Variants in ASB18 observed in about 807,000 individuals in gnomAD.
The protein encoded by ASB18 is ankyrin repeat and SOCS box protein 18.
A neutral mutation model predicts 33.4 loss-of-function variants in ASB18; 33 were observed. The ratio of observed to expected loss-of-function variants is 0.99; its 90% CI spans 0.75 to 1.32. The LOEUF is 1.32. ASB18 is among the 40% of genes most tolerant of loss of function. ASB18 has a pLI of 0.00. For synonymous variants in ASB18, 295 were observed against 307.6 expected (o/e 0.96, Z 0.43); for missense variants, 694 against 655.5 (o/e 1.06, Z -0.64).
chr2:236,202,983 G>A (rs2106264103), intron 4 of ASB18, among the ~76,000 whole-genome samples: 1 of 151,488 alleles, frequency 6.6e-6, no homozygotes, highest in Non-Finnish European at 1.5e-5. Context: ...TATTTATATT[G>A]CGTATCTCCT....
rs1240353032 is a variant in ASB18 at position 236,203,544 on chromosome 2, G to A, written c.1102-7159C>T. ...GAGCACTTGCCAGGTATGAGTGGAG[G>A]AGAGGCTGGGTCTGATTTTAATTTT... On this transcript the variant is annotated intron_variant, in intron 4 of 5. Transcript: ENST00000409749. The surrounding 1 kb of genome is among the most constrained non-coding windows in gnomAD (Gnocchi z 6.0). Among the ~76,000 whole-genome samples, 1 of 152,160 alleles carries A rather than the reference G, an allele frequency of 6.6e-6. No homozygotes were observed. The highest frequency in any genetic ancestry group is 1.5e-5 in the Non-Finnish European group (1 of 68,032).
In ASB18 at chr2:236,231,132, G is replaced by A. The variant is rs1325431984; in HGVS notation, c.596+6557C>T. 6.6e-6 allele frequency among the ~76,000 whole-genome samples: 1 copy of A among 152,092 alleles called. No homozygotes were observed. Among genetic ancestry groups the A allele is most frequent in the Admixed American group, 6.5e-5 (1 of 15,270 alleles). ...ACCTTTGATTTGCCGCTAACCAATGGACTATTGCAAAGGTGACAGGAGGTT... is the reference window on the plus strand; with the variant it reads ...ACCTTTGATTTGCCGCTAACCAATGAACTATTGCAAAGGTGACAGGAGGTT... On this transcript the variant is annotated intron_variant, in intron 3 of 5. Transcript: ENST00000409749. This position sits in a 1 kb window ranked among gnomAD's most constrained non-coding sequence, Gnocchi z 5.5.
chr2:236,220,332 C>T lies in ASB18; in HGVS notation c.597-5466G>A, dbSNP rs2106271554. ...TTTCCTCCTTCCTTTACCCACCTGTCTCACCCACCTGCTCCCACCTGTCTC... is the reference window on the plus strand; with the variant it reads ...TTTCCTCCTTCCTTTACCCACCTGTTTCACCCACCTGCTCCCACCTGTCTC... On this transcript the variant is annotated intron_variant, in intron 3 of 5. Transcript: ENST00000409749. The surrounding 1 kb of genome is among the most constrained non-coding windows in gnomAD (Gnocchi z 5.1). Among the ~76,000 whole-genome samples the T allele has an allele frequency of 6.6e-6, 1 of 152,312 alleles. No individual in the cohort carries two copies. Among genetic ancestry groups the T allele is most frequent in the African/African-American group, 2.4e-5 (1 of 41,566 alleles).
intron 1 of ASB18, among the ~76,000 whole-genome samples, chr2:236,258,498 C>T (rs528298201): frequency 3.3e-5 from 5 of 152,186 alleles, no homozygotes; most frequent in East Asian, 1.9e-4. Context: ...TCAATGGGTA[C>T]GCTCTTGTCA....
At position 236,222,803 on chromosome 2, in the gene ASB18, T is replaced by C. The variant is rs2060518608; in HGVS notation, c.597-7937A>G. Among the ~76,000 whole-genome samples, 1 of 152,194 alleles carries C rather than the reference T, an allele frequency of 6.6e-6. No individual in the cohort carries two copies. The highest frequency in any genetic ancestry group is 2.4e-5 in the African/African-American group (1 of 41,436). On this transcript the variant is annotated intron_variant, in intron 3 of 5. Transcript: ENST00000409749. This position sits in a 1 kb window ranked among gnomAD's most constrained non-coding sequence, Gnocchi z 5.5. ...GGGAGGCCGAGGTATGTGGATCACC[T>C]GAGTTCAGGAGTTTGAGACCAGCCT...
Position 236,204,085 on chromosome 2 carries a change from A to G in ASB18, c.1102-7700T>C, listed in dbSNP as rs2060420952. On this transcript the variant is annotated intron_variant, in intron 4 of 5. Transcript: ENST00000409749. The surrounding 1 kb of genome is among the most constrained non-coding windows in gnomAD (Gnocchi z 5.1). ...ATATTTAGGGGGAAGAGTGGGGAGA[A>G]TCTGGGGATGGATTTCCCCCTTCCT... 6.8e-6 allele frequency among the ~76,000 whole-genome samples: 1 copy of G among 148,032 alleles called. No individual in the cohort carries two copies. Among genetic ancestry groups the G allele is most frequent in the Admixed American group, 6.6e-5 (1 of 15,038 alleles).
In ASB18 at chr2:236,215,396, C is replaced by T. The variant is rs570558360; in HGVS notation, c.597-530G>A. Among the ~76,000 whole-genome samples, 2 of 152,132 alleles carry T rather than the reference C, an allele frequency of 1.3e-5. No homozygotes were observed. The highest frequency in any genetic ancestry group is 2.9e-5 in the Non-Finnish European group (2 of 68,022). ...CTCAGGACACTGACTCAGGCTGGCA[C>T]CACCCTGTCCTCTGACAGTCCGGGG... On this transcript the variant is annotated intron_variant, in intron 3 of 5. Transcript: ENST00000409749. The surrounding 1 kb of genome is among the most constrained non-coding windows in gnomAD (Gnocchi z 7.2).
At position 236,249,049 on chromosome 2, in the gene ASB18, T is replaced by C. The variant is rs1559338024; in HGVS notation, c.206-7647A>G. 6.6e-6 allele frequency: 1 copy of C among 152,240 alleles called. No homozygotes were observed. Among genetic ancestry groups the C allele is most frequent in the Admixed American group, 6.5e-5 (1 of 15,282 alleles). The allele number at this position is 152,240 out of a possible 1,614,324, so 9.4% of individuals were successfully genotyped here. ...TGATGCATTGATATTTATACCCAAA[T>C]TTAGATGGCATAAATGCAGCAAATT... is the stretch of plus-strand genomic sequence containing the variant. On this transcript the variant is annotated intron_variant, in intron 1 of 5. Coordinates refer to ENST00000409749, the MANE Select transcript of ASB18 (RefSeq NM_212556.4). The surrounding 1 kb of genome is among the most constrained non-coding windows in gnomAD (Gnocchi z 4.6).
Position 236,220,553 on chromosome 2 carries a change from CTTT to C in ASB18, c.597-5690_597-5688del, listed in dbSNP as rs35828724. On this transcript the variant is annotated intron_variant, in intron 3 of 5. Transcript: ENST00000409749. This position sits in a 1 kb window ranked among gnomAD's most constrained non-coding sequence, Gnocchi z 5.1. ...TCTTTTGGATTCCCCAGTACTTGGCCTTTTTTTTTTTTTTTAAACAACTATTTA... is the reference window on the plus strand; with the variant it reads ...TCTTTTGGATTCCCCAGTACTTGGCCTTTTTTTTTTTTAAACAACTATTTA... Among the ~76,000 whole-genome samples the C allele has an allele frequency of 6.9e-6, 1 of 144,248 alleles. No homozygotes were observed. 94.6% of individuals were successfully genotyped at this position (144,248 alleles called of 152,430 possible). A position where few individuals can be genotyped will look rare whatever the true frequency, so the allele number is the denominator to read the frequency against.
chr2:236,261,295 G>A (rs1254491105), intron 1 of ASB18, among the ~76,000 whole-genome samples: 1 of 152,158 alleles, frequency 6.6e-6, no homozygotes, highest in Non-Finnish European at 1.5e-5. Context: ...TTGCCTTTGT[G>A]TCTTCCTTTG....
rs779164046 is a variant in ASB18, at chr2:236,264,217, C to T, written c.129G>A (p.Val43=). The change falls in exon 1 of 6, where the codon GTG becomes GTA. Residue 43 remains valine (V), a synonymous_variant. Transcript: ENST00000409749. This position sits in a 1 kb window ranked among gnomAD's most constrained non-coding sequence, Gnocchi z 5.1. ...CATTGGCCAGTTCTATCACAGCGTC[C>T]ACAGGCGTGATTTCAGTGCAGATTA... The part of the protein sequence containing the change: ...RDLICTEITP[V]DAVIELANDD... The T allele has an allele frequency of 5.6e-6, 9 of 1,613,958 alleles. No homozygotes were observed. The highest frequency in any genetic ancestry group is 1.6e-4 in the Middle Eastern group (1 of 6,062).
In ASB18 at chr2:236,203,710, A is replaced by G. The variant is rs984766989; in HGVS notation, c.1102-7325T>C. 6.6e-6 allele frequency among the ~76,000 whole-genome samples: 1 copy of G among 152,136 alleles called. No individual in the cohort carries two copies. ...GAGAAACCCTGTTTCTACAAAAAAT[A>G]CAAAAACTTAGCTGGGTGTGATGGT... On this transcript the variant is annotated intron_variant, in intron 4 of 5. Coordinates refer to ENST00000409749, the MANE Select transcript of ASB18 (RefSeq NM_212556.4). This position sits in a 1 kb window ranked among gnomAD's most constrained non-coding sequence, Gnocchi z 6.0.
At chr2:236,240,928 C>T (rs894018605) in intron 2 of ASB18, among the ~76,000 whole-genome samples, 13 of 152,152 alleles carry the variant, frequency 8.5e-5, no homozygotes, top group African/African-American at 3.1e-4. Flanking sequence ...CTGCTCCGGG[C>T]GCAACTGAAG....
At chr2:236,199,121 G>C (rs2060387209) in intron 4 of ASB18, among the ~76,000 whole-genome samples, 1 of 152,082 alleles carries the variant, frequency 6.6e-6, no homozygotes, top group Non-Finnish European at 1.5e-5. Context: ...GATAGAAAAA[G>C]ATTTTCCAGG....
rs1344763392 is a variant in ASB18, at chr2:236,239,963, C to G, written c.328+1317G>C. Among the ~76,000 whole-genome samples, 2 of 152,220 alleles carry G rather than the reference C, an allele frequency of 1.3e-5. No individual in the cohort carries two copies. The highest frequency in any genetic ancestry group is 2.4e-5 in the African/African-American group (1 of 41,448). ...TACTCACTGTCCGGGCTGCCGTTTC[C>G]TCAGTACCAGCCCACATCCCTTTGC... is the stretch of plus-strand genomic sequence containing the variant. On this transcript the variant is annotated intron_variant, in intron 2 of 5. Coordinates refer to ENST00000409749, the MANE Select transcript of ASB18 (RefSeq NM_212556.4). This position sits in a 1 kb window ranked among gnomAD's most constrained non-coding sequence, Gnocchi z 5.6.
chr2:236,209,872 T>C lies in ASB18; in HGVS notation c.1101+4490A>G, dbSNP rs78763478. On this transcript the variant is annotated intron_variant, in intron 4 of 5. Transcript: ENST00000409749. This position sits in a 1 kb window ranked among gnomAD's most constrained non-coding sequence, Gnocchi z 4.4. ...TAGCTCATTTTTCCAACTGCACACA[T>C]TGCCGTGCCTGTCCTGCTCCAGGAC... Among the ~76,000 whole-genome samples, 1,705 of 152,334 alleles carry C rather than the reference T, an allele frequency of 0.011. 27 individuals are homozygous for C. The highest frequency in any genetic ancestry group is 0.039 in the African/African-American group (1,621 of 41,566).
At chr2:236,202,319 G>GGGTA (rs3033895) in intron 4 of ASB18, among the ~76,000 whole-genome samples, 26,048 of 151,924 alleles carry the variant, frequency 0.17, 2,232 homozygotes, top group South Asian at 0.25. Context: ...GTTGGTAACA[G>GGGTA]GGTAGTTTAA....
In ASB18 at chr2:236,264,312, G is replaced by A. The variant is rs1245104059; in HGVS notation, c.34C>T (p.Leu12Phe). ...AATCTCTTCACTAAATCTGAGTTGA[G>A]TGGGTAGTCGGGAAGGTAATCCGAG... ...SNSDYLPDYPLNSDLVKRLKS... is the reference protein window; with the variant it reads ...SNSDYLPDYPFNSDLVKRLKS... The change falls in exon 1 of 6, where the codon CTC becomes TTC. Residue 12 changes from leucine (L) to phenylalanine (F), a missense_variant. Leu to Phe is a conservative substitution (Grantham distance 22). Transcript: ENST00000409749. This position sits in a 1 kb window ranked among gnomAD's most constrained non-coding sequence, Gnocchi z 5.1. The A allele has an allele frequency of 1.9e-6, 3 of 1,613,948 alleles. No individual in the cohort carries two copies. The highest frequency in any genetic ancestry group is 1.7e-6 in the Non-Finnish European group (2 of 1,179,922).
At position 236,203,923 on chromosome 2, in the gene ASB18, A is replaced by G. The variant is rs1426627444; in HGVS notation, c.1102-7538T>C. On this transcript the variant is annotated intron_variant, in intron 4 of 5. Coordinates refer to ENST00000409749, the MANE Select transcript of ASB18 (RefSeq NM_212556.4). This position sits in a 1 kb window ranked among gnomAD's most constrained non-coding sequence, Gnocchi z 6.0. ...ACCAACCAACCAACCAAACAAGGAC[A>G]TATCACCAAGGCTGGATCTGGGGAA... Among the ~76,000 whole-genome samples the G allele has an allele frequency of 1.5e-5, 2 of 135,742 alleles. No individual in the cohort carries two copies. The highest frequency in any genetic ancestry group is 3.3e-5 in the Non-Finnish European group (2 of 60,948). The allele number at this position is 135,742 out of a possible 152,430, so 89.1% of individuals were successfully genotyped here. A position where few individuals can be genotyped will look rare whatever the true frequency, so the allele number is the denominator to read the frequency against.
Sources: gnomAD v4.1 joint callset for allele counts (sites outside exome capture counted in the v4.1 genomes callset) on GRCh38, gnomAD v4.1.1 for gene constraint, Gnocchi (gnomAD v3.1) non-coding constraint, MANE v1.5 for transcripts, NCBI Gene and HGNC (gene_info 2026-07-23, HGNC 2026-07-21) for gene names.